Variants in DNAH11 observed in about 807,000 individuals in gnomAD.
DNAH11 encodes the protein axonemal beta dynein heavy chain 11.
Under a neutral mutation model 526.0 loss-of-function variants are expected in DNAH11, and 442 were observed. That is an observed-to-expected ratio of 0.84 (90% CI 0.78 to 0.91). DNAH11 has a LOEUF of 0.91. DNAH11 is among the 40% of genes least tolerant of loss of function. DNAH11 has a pLI of 0.00. For missense variants in DNAH11, 6,989 were observed against 5,448.7 expected, an observed-to-expected ratio of 1.28 and a Z score of -8.90; for synonymous variants, 2,461 against 1,935.9, an observed-to-expected ratio of 1.27 and a Z score of -7.12.
chr7:21,894,507 G>T, intron 77 of DNAH11, 116 bp from the exon 78 acceptor site: 1 of 1,070,170 alleles, frequency 9.3e-7, no homozygotes, highest in Non-Finnish European at 1.3e-6. Context: ...GCATTTGCAG[G>T]CACCTTCGGA....
Position 21,558,854 on chromosome 7 carries a change from T to G in DNAH11, c.548T>G (p.Phe183Cys). 1 of 1,609,552 alleles carries G rather than the reference T, an allele frequency of 6.2e-7. No individual in the cohort carries two copies. The highest frequency in any genetic ancestry group is 8.5e-7 in the Non-Finnish European group (1 of 1,177,930). The change falls in exon 3 of 82, where the codon TTT becomes TGT. Residue 183 changes from phenylalanine to cysteine, a missense_variant. Physicochemically the swap from Phe to Cys is radical, Grantham distance 205. Transcript: ENST00000409508. Reference protein sequence around the residue: ...NKNNHKSWSCFTSQDMEYHIE... With the variant: ...NKNNHKSWSCCTSQDMEYHIE... ...AACAACCATAAGTCCTGGTCCTGTT[T>G]TACTTCACAAGATATGGAATATCAC...
chr7:21,899,579 G>A (rs1331175939), intron 80 of DNAH11, 131 bp downstream of exon 80: 3 of 754,118 alleles, frequency 4.0e-6, no homozygotes, highest in Non-Finnish European at 6.5e-6. Context: ...ATTATAGAAA[G>A]GACCAGCAGC....
At chr7:21,806,771 C>G (rs1395100076) in intron 62 of DNAH11, among the ~76,000 whole-genome samples, 1 of 152,146 alleles carries the variant, frequency 6.6e-6, no homozygotes, top group East Asian at 1.9e-4. Flanking sequence ...CCCTGCAGTT[C>G]AGTCAATCCA....
intron 56 of DNAH11, among the ~76,000 whole-genome samples, chr7:21,778,221 G>T (rs903705786): frequency 1.5e-4 from 23 of 152,232 alleles, no homozygotes; most frequent in Middle Eastern, 3.4e-3. Flanking sequence ...TGAATTCATG[G>T]ATTCCTCGGA....
rs200216579 is a variant in DNAH11, at chr7:21,617,747, G to T, written c.4224G>T (p.Arg1408Ser). The T allele has an allele frequency of 2.9e-4, 471 of 1,606,314 alleles. 1 individual carries two copies. Among genetic ancestry groups the T allele is most frequent in the Non-Finnish European group, 3.7e-4 (441 of 1,176,844 alleles). The part of the protein sequence containing the change: ...TELQSPALRD[R>S]HWHQLMKAIG... ...TACAGAGCCCTGCCCTCAGGGACAGGCATTGGCACCAGCTGATGAAAGCTA... is the reference window on the plus strand; with the variant it reads ...TACAGAGCCCTGCCCTCAGGGACAGTCATTGGCACCAGCTGATGAAAGCTA... The change falls in exon 23 of 82, where the codon AGG (arginine) becomes AGT (serine). Residue 1408 changes from arginine to serine, a missense_variant. Transcript: ENST00000409508.
chr7:21,681,420 C>G (rs1783130927), intron 30 of DNAH11, 126 bp from the exon 31 acceptor site: 2 of 971,272 alleles, frequency 2.1e-6, no homozygotes, highest in East Asian at 2.9e-5. Context: ...GAGTGAGACT[C>G]CATCTCAAAA....
chr7:21,777,389 C>T (rs1312286372), intron 56 of DNAH11, among the ~76,000 whole-genome samples: 1 of 151,318 alleles, frequency 6.6e-6, no homozygotes, highest in Non-Finnish European at 1.5e-5. Context: ...TATGAATACC[C>T]GTGTACAGGT....
chr7:21,742,264 G>C, intron 49 of DNAH11, 98 bp downstream of exon 49: 1 of 1,344,598 alleles, frequency 7.4e-7, no homozygotes, highest in Non-Finnish European at 1.0e-6. Context: ...AAACACCTGA[G>C]GCTAGGTAAT....
At chr7:21,674,981 T>C (rs1319463506) in intron 30 of DNAH11, among the ~76,000 whole-genome samples, 1 of 152,184 alleles carries the variant, frequency 6.6e-6, no homozygotes, top group Non-Finnish European at 1.5e-5. Flanking sequence ...AGATCCCTAT[T>C]CTCACTGCCT....
chr7:21,866,154 A>C (rs1390429192), intron 70 of DNAH11, among the ~76,000 whole-genome samples: 1 of 152,058 alleles, frequency 6.6e-6, no homozygotes, highest in African/African-American at 2.4e-5. Flanking sequence ...GCTCCTATTC[A>C]AGATGGAGTT....
chr7:21,816,709 G>A lies in DNAH11; in HGVS notation c.10568+7G>A, dbSNP rs1356098038. 1.2e-6 allele frequency: 2 copies of A among 1,610,492 alleles called. No individual in the cohort carries two copies. The highest frequency in any genetic ancestry group is 2.2e-5 in the East Asian group (1 of 44,810). On this transcript the variant is annotated splice_region_variant and intron_variant, in intron 64 of 81. Coordinates refer to ENST00000409508, the MANE Select transcript of DNAH11 (RefSeq NM_001277115.2). ...CACATTTGGGCCAGAAAGGGTATGTGAAGTTTGAAGAGACTGGCTTTCTGT... is the reference window on the plus strand; with the variant it reads ...CACATTTGGGCCAGAAAGGGTATGTAAAGTTTGAAGAGACTGGCTTTCTGT...
chr7:21,745,117 C>A, intron 51 of DNAH11, 54 bp downstream of exon 51: 1 of 1,523,594 alleles, frequency 6.6e-7, no homozygotes, highest in East Asian at 2.4e-5. Context: ...GCTGGATATC[C>A]ACTACTGTCA....
chr7:21,645,875 A>G (rs531315017), intron 28 of DNAH11, among the ~76,000 whole-genome samples: 1 of 152,312 alleles, frequency 6.6e-6, no homozygotes, highest in South Asian at 2.1e-4. Flanking sequence ...TATCTTCATA[A>G]TCTTGCACTA....
At chr7:21,667,628 A>G (rs188636530) in intron 30 of DNAH11, among the ~76,000 whole-genome samples, 183 of 152,272 alleles carry the variant, frequency 1.2e-3, no homozygotes, top group African/African-American at 4.0e-3. Flanking sequence ...TTGGATTTCA[A>G]TATGATCCAT....
At position 21,880,690 on chromosome 7, in the gene DNAH11, C is replaced by G. The variant is rs111541378; in HGVS notation, c.12196-12C>G. 561 of 1,613,208 alleles carry G rather than the reference C, an allele frequency of 3.5e-4. 1 individual carries two copies. In the African/African-American group the frequency reaches 6.7e-3, roughly 19 times the overall value. On this transcript the variant is annotated splice_polypyrimidine_tract_variant and intron_variant, in intron 74 of 81. Coordinates refer to ENST00000409508, the MANE Select transcript of DNAH11 (RefSeq NM_001277115.2). ...AGATGGATAATCAAGCATTTCTTCT[C>G]TTTTTTCCCAGGATACACTTGAAAT... is the stretch of plus-strand genomic sequence containing the variant.
At chr7:21,550,277 A>G (rs78583796) in intron 2 of DNAH11, among the ~76,000 whole-genome samples, 71,268 of 151,772 alleles carry the variant, frequency 0.47, 18,032 homozygotes, top group East Asian at 0.74. Flanking sequence ...TCTTCTTTCC[A>G]AGTCTGGCTC....
At chr7:21,857,217 G>A (rs1246822065) in intron 68 of DNAH11, among the ~76,000 whole-genome samples, 1 of 152,146 alleles carries the variant, frequency 6.6e-6, no homozygotes, top group African/African-American at 2.4e-5. Context: ...ACTATTTACA[G>A]TGGCTTCCAA....
chr7:21,811,363 G>A (rs1350357798), intron 63 of DNAH11, among the ~76,000 whole-genome samples: 2 of 152,004 alleles, frequency 1.3e-5, no homozygotes, highest in African/African-American at 4.8e-5. Context: ...GGCTGAGGCA[G>A]GAGAATCGCT....
intron 40 of DNAH11, among the ~76,000 whole-genome samples, chr7:21,710,081 G>A (rs1223509774): frequency 6.6e-6 from 1 of 152,172 alleles, no homozygotes; most frequent in Non-Finnish European, 1.5e-5. Context: ...ACACATTTCT[G>A]TAAGAGATGT....
Sources: gnomAD v4.1 joint callset for allele counts (sites outside exome capture counted in the v4.1 genomes callset) on GRCh38, gnomAD v4.1.1 for gene constraint, MANE v1.5 for transcripts, NCBI Gene and HGNC (gene_info 2026-07-23, HGNC 2026-07-21) for gene names.